THSD4: variants seen among roughly 807,000 people sequenced by gnomAD.
The protein encoded by THSD4 is thrombospondin type-1 domain-containing protein 4.
THSD4 carries 69 observed loss-of-function variants against 119.0 expected under a neutral mutation model. That is an observed-to-expected ratio of 0.58 (90% CI 0.48 to 0.71). The LOEUF (loss-of-function observed/expected upper bound fraction) is 0.71, where lower values mean the gene tolerates loss of function less well. Among genes scored for constraint, THSD4 ranks in the 30% least tolerant of loss-of-function variants. The pLI, the probability that THSD4 is intolerant of heterozygous loss-of-function variation, is 0.00. For synonymous variants in THSD4, 524 were observed against 540.4 expected (o/e 0.97, Z 0.42); for missense variants, 1,393 against 1,391.1 (o/e 1.00, Z -0.02).
At chr15:71,245,038 G>A (rs1179848434) in intron 5 of THSD4, among the ~76,000 whole-genome samples, 4 of 152,172 alleles carry the variant, frequency 2.6e-5, no homozygotes, top group Non-Finnish European at 5.9e-5. Context: ...TGTAGAAGCT[G>A]TGGCTTCCCT....
At chr15:71,542,302 A>G (rs553563184) in intron 7 of THSD4, among the ~76,000 whole-genome samples, 1 of 152,284 alleles carries the variant, frequency 6.6e-6, no homozygotes, top group South Asian at 2.1e-4. Context: ...ATATGTTGGA[A>G]TATTCTTTGA....
intron 1 of THSD4, among the ~76,000 whole-genome samples, chr15:71,107,144 G>A (rs1285263371): frequency 6.6e-6 from 1 of 152,188 alleles, no homozygotes; most frequent in Admixed American, 6.5e-5. Context: ...TAAAACCAAT[G>A]TGCCTTTCAC....
At chr15:71,441,475 C>T (rs1206613982) in intron 7 of THSD4, among the ~76,000 whole-genome samples, 1 of 98,704 alleles carries the variant, frequency 1.0e-5, no homozygotes, top group African/African-American at 2.9e-5. Context: ...AAATCTGCCC[C>T]CTGGGGTTTT....
chr15:71,299,709 AATG>A (rs2140335535), intron 6 of THSD4, among the ~76,000 whole-genome samples: 1 of 152,328 alleles, frequency 6.6e-6, no homozygotes, highest in East Asian at 1.9e-4. Context: ...ATCACTAAGA[AATG>A]ATAAGTATCT....
At chr15:71,374,890 C>A (rs149367694) in intron 6 of THSD4, among the ~76,000 whole-genome samples, 2 of 152,252 alleles carry the variant, frequency 1.3e-5, no homozygotes, top group Admixed American at 6.5e-5. Flanking sequence ...CATGCACAGA[C>A]GTGCTGCTTG....
Position 71,200,348 on chromosome 15 carries a change from T to C in THSD4, c.100-14687T>C, listed in dbSNP as rs567869972. Among the ~76,000 whole-genome samples, 71 of 152,098 alleles carry C rather than the reference T, an allele frequency of 4.7e-4. No homozygotes were observed. The South Asian group carries it at 8.1e-3, about 17-fold the overall frequency. On this transcript the variant is annotated intron_variant, in intron 3 of 17. Transcript: ENST00000261862. ...CTGTCCTGGATTGGCTTCTCACTGG[T>C]GGTATGGCTCAGCGTGCTTTGTCTG...
intron 7 of THSD4, among the ~76,000 whole-genome samples, chr15:71,600,752 T>TC (rs2049994281): frequency 1.3e-5 from 2 of 151,836 alleles, no homozygotes; most frequent in Admixed American, 6.6e-5. Flanking sequence ...TTCTTTCTTT[T>TC]TTTTTTTGAG....
At chr15:71,549,882 GAGGGC>G in intron 7 of THSD4, 1 of 152,658 alleles carries the variant, frequency 6.6e-6, no homozygotes, top group Admixed American at 6.5e-5. Flanking sequence ...GTGGGGAGAG[GAGGGC>G]TGTGATGCAA....
At chr15:71,567,603 CACACA>C (rs1567040861) in intron 7 of THSD4, among the ~76,000 whole-genome samples, 1 of 137,522 alleles carries the variant, frequency 7.3e-6, no homozygotes, top group East Asian at 3.6e-4. Context: ...GACACCCCCC[CACACA>C]CACACACACA....
At chr15:71,188,229 C>T (rs913574391) in intron 3 of THSD4, among the ~76,000 whole-genome samples, 1 of 152,044 alleles carries the variant, frequency 6.6e-6, no homozygotes, top group African/African-American at 2.4e-5. Context: ...AGGGGAGGCT[C>T]ATTTAATTCT....
At chr15:71,323,284 G>C (rs909471413) in intron 6 of THSD4, among the ~76,000 whole-genome samples, 1 of 152,118 alleles carries the variant, frequency 6.6e-6, no homozygotes, top group Non-Finnish European at 1.5e-5. Flanking sequence ...TTCAGAAGCT[G>C]ACTACCACAA....
intron 7 of THSD4, among the ~76,000 whole-genome samples, chr15:71,659,579 AT>A (rs1044690332): frequency 6.6e-5 from 10 of 151,894 alleles, no homozygotes; most frequent in Non-Finnish European, 5.9e-5. Flanking sequence ...CACCTGGTTA[AT>A]TTTTTACTTT....
At chr15:71,377,912 AC>A (rs1270014230) in intron 6 of THSD4, among the ~76,000 whole-genome samples, 7 of 25,270 alleles carry the variant, frequency 2.8e-4, no homozygotes, top group African/African-American at 1.0e-3. Flanking sequence ...ACACACACAC[AC>A]AATTTCCTTC....
At chr15:71,127,509 G>T (rs80024164) in intron 1 of THSD4, among the ~76,000 whole-genome samples, 1 of 152,134 alleles carries the variant, frequency 6.6e-6, no homozygotes, top group Admixed American at 6.5e-5. Context: ...CATAATGGCT[G>T]TACTAATTTA....
intron 7 of THSD4, among the ~76,000 whole-genome samples, chr15:71,551,962 C>T (rs180851919): frequency 6.6e-6 from 1 of 152,304 alleles, no homozygotes; most frequent in East Asian, 1.9e-4. Context: ...AGCCTAGGGC[C>T]AGCCTTGTAA....
intron 6 of THSD4, among the ~76,000 whole-genome samples, chr15:71,401,008 C>T (rs2046524733): frequency 6.6e-6 from 1 of 152,122 alleles, no homozygotes. Context: ...GTTTTTCTCT[C>T]CACTGAAATG....
chr15:71,118,698 T>A (rs868268644), intron 1 of THSD4, among the ~76,000 whole-genome samples: 13 of 152,268 alleles, frequency 8.5e-5, no homozygotes, highest in South Asian at 8.3e-4. Context: ...AGAATCGTGA[T>A]GTTTACTTAT....
chr15:71,566,684 G>T (rs1230981027), intron 7 of THSD4, among the ~76,000 whole-genome samples: 1 of 152,060 alleles, frequency 6.6e-6, no homozygotes, highest in Non-Finnish European at 1.5e-5. Context: ...GCCTTCAAAG[G>T]CCGGGTCATT....
In THSD4 at chr15:71,215,155, A is replaced by T. The variant is rs1426848340; in HGVS notation, c.220A>T (p.Met74Leu). Residue 74 changes from methionine (M) to leucine (L), a missense_variant, in exon 4 of 18, where the codon ATG becomes TTG. Physicochemically the swap from Met to Leu is conservative, Grantham distance 15 (BLOSUM62 2). Transcript: ENST00000261862. ...CTCGCGTAGCTGCAGCGGCGGCGTG[A>T]TGGAGCAGACGCGGCCCTGCCTGCC... ...ACSRSCSGGV[M>L]EQTRPCLPRS... 26 of 1,374,036 alleles carry T rather than the reference A, an allele frequency of 1.9e-5. No individual in the cohort carries two copies. Among genetic ancestry groups the T allele is most frequent in the Non-Finnish European group, 2.5e-5 (26 of 1,061,094 alleles). The allele number at this position is 1,374,036 out of a possible 1,614,324, so 85.1% of individuals were successfully genotyped here. A position where few individuals can be genotyped will look rare whatever the true frequency, so the allele number is the denominator to read the frequency against.
Sources: gnomAD v4.1 joint callset for allele counts (sites outside exome capture counted in the v4.1 genomes callset) on GRCh38, gnomAD v4.1.1 for gene constraint, MANE v1.5 for transcripts, NCBI Gene and HGNC (gene_info 2026-07-23, HGNC 2026-07-21) for gene names.